Variants in RIMS2 observed in about 807,000 individuals in gnomAD.
RIMS2 encodes the protein regulating synaptic membrane exocytosis 2, also known as regulating synaptic membrane exocytosis protein 2.
Under a neutral mutation model 174.4 loss-of-function variants are expected in RIMS2, and 59 were observed. That is an observed-to-expected ratio of 0.34 (90% CI 0.27 to 0.42). The LOEUF (loss-of-function observed/expected upper bound fraction) is 0.42, where lower values mean the gene tolerates loss of function less well. Among genes scored for constraint, RIMS2 ranks in the 10% least tolerant of loss-of-function variants. RIMS2 has a pLI of 1.00. For missense variants in RIMS2, 1,620 were observed against 1,666.3 expected, an observed-to-expected ratio of 0.97 and a Z score of 0.48; for synonymous variants, 606 against 572.5, an observed-to-expected ratio of 1.06 and a Z score of -0.84.
intron 19 of RIMS2, among the ~76,000 whole-genome samples, chr8:104,027,428 A>C (rs1197389389): frequency 6.6e-6 from 1 of 152,104 alleles, no homozygotes; most frequent in Non-Finnish European, 1.5e-5. Context: ...TGACTAAACA[A>C]ATTTAGAAAA....
chr8:104,015,423 G>A (rs922011580), intron 19 of RIMS2: 6 of 703,782 alleles, frequency 8.5e-6, no homozygotes, highest in African/African-American at 3.5e-5. Flanking sequence ...GTTTTCCCTA[G>A]ACAATGGAGT....
chr8:104,055,562 T>A (rs753341750), intron 19 of RIMS2, among the ~76,000 whole-genome samples: 1 of 152,194 alleles, frequency 6.6e-6, no homozygotes, highest in Non-Finnish European at 1.5e-5. Context: ...ACCATTATAT[T>A]TCTTCTCTGA....
chr8:103,673,952 G>A (rs112362930), intron 1 of RIMS2, among the ~76,000 whole-genome samples: 137 of 152,288 alleles, frequency 9.0e-4, no homozygotes, highest in African/African-American at 3.2e-3. Context: ...TTAGAAGCAG[G>A]GAGGCCACAT....
intron 19 of RIMS2, among the ~76,000 whole-genome samples, chr8:104,159,963 A>T (rs1586163953): frequency 6.6e-6 from 1 of 151,906 alleles, no homozygotes; most frequent in Admixed American, 6.6e-5. Context: ...ACATGGTGAA[A>T]CCCCGTCTCT....
intron 1 of RIMS2, among the ~76,000 whole-genome samples, chr8:103,568,068 G>C (rs1563811598): frequency 6.6e-6 from 1 of 152,112 alleles, no homozygotes; most frequent in Non-Finnish European, 1.5e-5. Flanking sequence ...AGGAGTTCAA[G>C]ACCAGCTTGG....
chr8:104,138,720 G>A (rs2098542195), intron 19 of RIMS2, among the ~76,000 whole-genome samples: 1 of 151,596 alleles, frequency 6.6e-6, no homozygotes, highest in South Asian at 2.1e-4. Flanking sequence ...TCTGTGGATT[G>A]TCTCTTCACT....
chr8:104,156,492 T>A (rs1232912094), intron 19 of RIMS2, among the ~76,000 whole-genome samples: 9 of 152,218 alleles, frequency 5.9e-5, no homozygotes, highest in African/African-American at 2.2e-4. Context: ...ATTAAGCCAC[T>A]GTTTTCAGAA....
chr8:103,751,913 T>C (rs1017558819), intron 2 of RIMS2, among the ~76,000 whole-genome samples: 26 of 152,142 alleles, frequency 1.7e-4, no homozygotes, highest in Admixed American at 5.2e-4. Flanking sequence ...TTCACTCTGA[T>C]GGTAGTTTCT....
At chr8:103,728,946 T>C (rs1044821918) in intron 2 of RIMS2, among the ~76,000 whole-genome samples, 10 of 152,038 alleles carry the variant, frequency 6.6e-5, no homozygotes, top group African/African-American at 2.4e-4. Context: ...TGATGAATAA[T>C]CTTTCTAATG....
intron 3 of RIMS2, among the ~76,000 whole-genome samples, chr8:103,847,345 G>T (rs2154491062): frequency 1.3e-5 from 2 of 152,172 alleles, no homozygotes; most frequent in Admixed American, 1.3e-4. Context: ...ATAGTGTCCG[G>T]TCCTGCAAGG....
chr8:103,808,801 C>G (rs113475082), intron 3 of RIMS2, among the ~76,000 whole-genome samples: 2 of 152,080 alleles, frequency 1.3e-5, no homozygotes, highest in African/African-American at 4.8e-5. Flanking sequence ...TCACTTTAAT[C>G]CAGGCCAACT....
At chr8:104,050,011 G>C (rs1321671755) in intron 19 of RIMS2, among the ~76,000 whole-genome samples, 1 of 152,004 alleles carries the variant, frequency 6.6e-6, no homozygotes, top group Non-Finnish European at 1.5e-5. Context: ...TCTTTATTAA[G>C]ATAGGAATAA....
intron 2 of RIMS2, among the ~76,000 whole-genome samples, chr8:103,697,823 G>C (rs1236518048): frequency 6.6e-6 from 1 of 152,028 alleles, no homozygotes; most frequent in Admixed American, 6.6e-5. Context: ...TCAGGAGTTC[G>C]AGACCAGCCT....
intron 3 of RIMS2, among the ~76,000 whole-genome samples, chr8:103,796,434 G>A (rs1026124425): frequency 7.8e-4 from 118 of 152,192 alleles, no homozygotes; most frequent in African/African-American, 2.6e-3. Context: ...AAAATTAGAG[G>A]TAGATTTTCC....
chr8:104,104,452 A>G (rs1160092328), intron 19 of RIMS2, among the ~76,000 whole-genome samples: 1 of 152,206 alleles, frequency 6.6e-6, no homozygotes, highest in Non-Finnish European at 1.5e-5. Flanking sequence ...AGCAGTAGAA[A>G]GAAACTGAGA....
At chr8:103,549,524 T>C (rs1199091839) in intron 1 of RIMS2, among the ~76,000 whole-genome samples, 1 of 152,094 alleles carries the variant, frequency 6.6e-6, no homozygotes, top group Admixed American at 6.6e-5. Flanking sequence ...ACATGCCAAA[T>C]TGTAAAGCCC....
chr8:104,171,354 T>C (rs535908446), intron 19 of RIMS2, among the ~76,000 whole-genome samples: 2 of 152,096 alleles, frequency 1.3e-5, no homozygotes, highest in South Asian at 4.1e-4. Context: ...TTTTTCTTTG[T>C]CTTTGTCTGA....
At chr8:103,839,581 CAG>C (rs1235289840) in intron 3 of RIMS2, among the ~76,000 whole-genome samples, 2 of 152,126 alleles carry the variant, frequency 1.3e-5, no homozygotes, top group Non-Finnish European at 2.9e-5. Flanking sequence ...CTTGCTTGAT[CAG>C]AGAGTTTTAT....
intron 1 of RIMS2, among the ~76,000 whole-genome samples, chr8:103,590,870 T>G (rs2094218329): frequency 6.6e-6 from 1 of 151,192 alleles, no homozygotes; most frequent in Non-Finnish European, 1.5e-5. Context: ...AGTGTTTTTG[T>G]AGACATATGT....
Sources: gnomAD v4.1 joint callset for allele counts (sites outside exome capture counted in the v4.1 genomes callset) on GRCh38, gnomAD v4.1.1 for gene constraint, MANE v1.5 for transcripts, NCBI Gene and HGNC (gene_info 2026-07-23, HGNC 2026-07-21) for gene names.